DOP1A: variants seen among roughly 807,000 people sequenced by gnomAD.
DOP1A encodes the protein protein DOP1A.
In DOP1A, 90 loss-of-function variants were observed where a neutral mutation model predicts 267.6. The observed-to-expected ratio is 0.34, with a 90% CI of 0.28 to 0.40. The LOEUF (loss-of-function observed/expected upper bound fraction) is 0.40. DOP1A is among the 10% of genes least tolerant of loss of function. The pLI is 1.00. For missense variants in DOP1A, 2,437 were observed against 2,900.4 expected, an observed-to-expected ratio of 0.84 and a Z score of 3.67; for synonymous variants, 932 against 999.1, an observed-to-expected ratio of 0.93 and a Z score of 1.27.
chr6:83,159,734 T>C (rs975137650), intron 36 of DOP1A, 62 bp from the exon 37 acceptor site: 1 of 1,585,946 alleles, frequency 6.3e-7, no homozygotes, highest in African/African-American at 1.3e-5. Context: ...CTTTTAGATC[T>C]TTCCAGGAAT....
chr6:83,166,258 G>T (rs896026738), intron 38 of DOP1A: 1 of 525,648 alleles, frequency 1.9e-6, no homozygotes, highest in Non-Finnish European at 3.4e-6. Context: ...TTCTTGGGCA[G>T]CTCTCTTATA....
At chr6:83,094,399 C>A (rs529574161) in intron 1 of DOP1A, among the ~76,000 whole-genome samples, 1 of 152,246 alleles carries the variant, frequency 6.6e-6, no homozygotes, top group South Asian at 2.1e-4. Context: ...ATTTTCATTT[C>A]TCTTGTGTCT....
intron 3 of DOP1A, among the ~76,000 whole-genome samples, chr6:83,097,376 G>A (rs79837601): frequency 0.012 from 1,762 of 152,236 alleles, 41 homozygotes; most frequent in African/African-American, 0.04. Context: ...AAACAGAAGA[G>A]AAGGAAGCAA....
chr6:83,070,728 T>G (rs1020990317), intron 1 of DOP1A, among the ~76,000 whole-genome samples: 4 of 151,766 alleles, frequency 2.6e-5, no homozygotes, highest in African/African-American at 4.8e-5. Context: ...TTTTCACATT[T>G]TTTTTTTTCA....
chr6:83,166,341 C>T (rs755526363), intron 38 of DOP1A: 99 of 690,508 alleles, frequency 1.4e-4, no homozygotes, highest in Non-Finnish European at 2.3e-4. Flanking sequence ...CCACTGCACT[C>T]CTCATCTTCA....
At chr6:83,088,124 G>T (rs543898317) in intron 1 of DOP1A, among the ~76,000 whole-genome samples, 1 of 151,850 alleles carries the variant, frequency 6.6e-6, no homozygotes, top group East Asian at 1.9e-4. Flanking sequence ...TACCCCTCTC[G>T]GTCTCCCAAA....
intron 1 of DOP1A, among the ~76,000 whole-genome samples, chr6:83,080,172 A>G (rs1767844660): frequency 6.6e-6 from 1 of 152,218 alleles, no homozygotes; most frequent in African/African-American, 2.4e-5. Flanking sequence ...ATGTATACAC[A>G]GTGAAATCAA....
intron 33 of DOP1A, 95 bp downstream of exon 33, chr6:83,154,336 G>C: frequency 2.6e-6 from 3 of 1,138,018 alleles, no homozygotes; most frequent in Non-Finnish European, 3.9e-6. Context: ...GGAGACTACT[G>C]AATTAGCTCT....
At chr6:83,158,451 A>T in intron 35 of DOP1A, 116 bp from the exon 36 acceptor site, 3 of 821,204 alleles carry the variant, frequency 3.7e-6, no homozygotes, top group Non-Finnish European at 5.9e-6. Context: ...AATTTAAAAG[A>T]TTCTGAAAAT....
chr6:83,131,471 A>C (rs761259322), intron 17 of DOP1A, among the ~76,000 whole-genome samples: 21 of 152,316 alleles, frequency 1.4e-4, no homozygotes, highest in Non-Finnish European at 2.4e-4. Flanking sequence ...TATAGGTTTT[A>C]AGTAGTTTGG....
intron 18 of DOP1A, among the ~76,000 whole-genome samples, chr6:83,133,675 G>A (rs1359774525): frequency 6.6e-6 from 1 of 151,726 alleles, no homozygotes; most frequent in Non-Finnish European, 1.5e-5. Context: ...CTCAAAAGTA[G>A]TTTAATATTT....
intron 1 of DOP1A, among the ~76,000 whole-genome samples, chr6:83,077,074 T>A (rs1767226230): frequency 6.6e-6 from 1 of 152,198 alleles, no homozygotes; most frequent in Non-Finnish European, 1.5e-5. Context: ...GTAGTCAAAT[T>A]CATAAAAGCA....
chr6:83,100,404 T>G (rs1298907693), intron 3 of DOP1A, among the ~76,000 whole-genome samples: 1 of 152,104 alleles, frequency 6.6e-6, no homozygotes, highest in Non-Finnish European at 1.5e-5. Context: ...CATCAAATAT[T>G]AAAAATTTAC....
intron 1 of DOP1A, among the ~76,000 whole-genome samples, chr6:83,079,671 C>T (rs528246534): frequency 6.6e-6 from 1 of 151,796 alleles, no homozygotes; most frequent in Admixed American, 6.6e-5. Context: ...ATTTGATTAA[C>T]TTAATATGGG....
chr6:83,129,062 G>A lies in DOP1A; in HGVS notation c.1895G>A (p.Gly632Asp), dbSNP rs763375618. The part of the protein sequence containing the change: ...EGQGAAAIPI[G>D]STSSETETAS... ...CAGGGGGCAGCTGCCATCCCAATTGGTAGCACATCCTCTGAGACAGAAACA... is the reference window on the plus strand; with the variant it reads ...CAGGGGGCAGCTGCCATCCCAATTGATAGCACATCCTCTGAGACAGAAACA... Residue 632 changes from glycine to aspartate, a missense_variant, in exon 16 of 39, where the codon GGT becomes GAT. Gly to Asp is a moderately conservative substitution (Grantham distance 94, BLOSUM62 -1). This residue lies in a region of DOP1A where 498 missense variants were observed against 513.5 expected (regional missense o/e 0.97). Transcript: ENST00000349129. 6.2e-7 allele frequency: 1 copy of A among 1,613,870 alleles called. No individual in the cohort carries two copies. Among genetic ancestry groups the A allele is most frequent in the African/African-American group, 1.3e-5 (1 of 74,890 alleles).
Position 83,119,884 on chromosome 6 carries a change from G to T in DOP1A, c.990+27G>T, listed in dbSNP as rs758689121. 6 of 1,566,488 alleles carry T rather than the reference G, an allele frequency of 3.8e-6. No individual in the cohort carries two copies. The East Asian group carries it at 1.3e-4, about 35-fold the overall frequency. ...TAATGAATACTTTTATTATTCTTTGGTTACTTACTGACCACTAGAGGTAGT... is the reference window on the plus strand; with the variant it reads ...TAATGAATACTTTTATTATTCTTTGTTTACTTACTGACCACTAGAGGTAGT... On this transcript the variant is annotated intron_variant, in intron 9 of 38. Transcript: ENST00000349129.
intron 30 of DOP1A, 188 bp from the exon 31 acceptor site, chr6:83,153,323 T>A: frequency 2.4e-6 from 1 of 418,458 alleles, no homozygotes; most frequent in East Asian, 4.0e-5. Flanking sequence ...ATTTATATCC[T>A]ATAGTAACAA....
chr6:83,090,812 T>C (rs1770215553), intron 1 of DOP1A, among the ~76,000 whole-genome samples: 1 of 152,156 alleles, frequency 6.6e-6, no homozygotes, highest in African/African-American at 2.4e-5. Context: ...TATGTATATA[T>C]TGGATGAAAG....
At chr6:83,093,366 C>G (rs550745128) in intron 1 of DOP1A, among the ~76,000 whole-genome samples, 1 of 152,228 alleles carries the variant, frequency 6.6e-6, no homozygotes, top group Non-Finnish European at 1.5e-5. Flanking sequence ...TATAGCCTCT[C>G]TTTGGCACAA....
Sources: allele counts gnomAD v4.1 joint callset (sites outside exome capture counted in the v4.1 genomes callset), GRCh38; gene constraint gnomAD v4.1.1; regional missense constraint gnomAD v4.1.1; transcripts MANE v1.5; gene names NCBI Gene and HGNC (gene_info 2026-07-23, HGNC 2026-07-21).